Variants in PPP1R9A observed in about 807,000 individuals in gnomAD.
The protein encoded by PPP1R9A is neurabin-1.
Under a neutral mutation model 141.9 loss-of-function variants are expected in PPP1R9A, and 59 were observed. The ratio of observed to expected loss-of-function variants is 0.42; its 90% CI spans 0.34 to 0.52. The LOEUF (loss-of-function observed/expected upper bound fraction) is 0.52, where lower values mean the gene tolerates loss of function less well. Among genes scored for constraint, PPP1R9A ranks in the 20% least tolerant of loss-of-function variants. The pLI is 0.10. For synonymous variants in PPP1R9A, 500 were observed against 569.7 expected (o/e 0.88, Z 1.74); for missense variants, 1,444 against 1,611.9 (o/e 0.90, Z 1.78).
At chr7:95,178,585 A>G (rs1833239274) in intron 5 of PPP1R9A, among the ~76,000 whole-genome samples, 1 of 152,110 alleles carries the variant, frequency 6.6e-6, no homozygotes, top group Non-Finnish European at 1.5e-5. Context: ...AGATAAATGA[A>G]AAGTTGGTTT....
At position 95,042,381 on chromosome 7, in the gene PPP1R9A, G is replaced by T. The variant is rs74392933; in HGVS notation, c.1396-68878G>T. On this transcript the variant is annotated intron_variant, in intron 2 of 19. Transcript: ENST00000433360. ...CTGATATGTTTTATTAGAAGAGTCA[G>T]ATGACATGTCTGTTTAGAAGTAGAA... Among the ~76,000 whole-genome samples the T allele has an allele frequency of 2.2e-3, 340 of 152,282 alleles. 4 individuals carry two copies. The highest frequency in any genetic ancestry group is 7.6e-3 in the African/African-American group (315 of 41,558).
At chr7:95,234,223 G>A (rs768511682) in intron 8 of PPP1R9A, among the ~76,000 whole-genome samples, 1 of 152,148 alleles carries the variant, frequency 6.6e-6, no homozygotes, top group Non-Finnish European at 1.5e-5. Context: ...AATCAGTAAA[G>A]AGGAAGCCAA....
At chr7:94,939,737 G>T (rs1250618042) in intron 2 of PPP1R9A, among the ~76,000 whole-genome samples, 1 of 151,014 alleles carries the variant, frequency 6.6e-6, no homozygotes, top group African/African-American at 2.4e-5. Context: ...CATCCCAGAA[G>T]ATTGTATAAT....
At chr7:95,216,616 T>C (rs1293842159) in intron 7 of PPP1R9A, among the ~76,000 whole-genome samples, 2 of 152,180 alleles carry the variant, frequency 1.3e-5, no homozygotes, top group African/African-American at 2.4e-5. Flanking sequence ...TGTTCTTCCA[T>C]TTGTTTGTAT....
chr7:95,003,586 T>C (rs1584225001), intron 2 of PPP1R9A, among the ~76,000 whole-genome samples: 3 of 152,192 alleles, frequency 2.0e-5, no homozygotes, highest in East Asian at 3.9e-4. Context: ...TAATTTAAAA[T>C]AGGGAGAGGT....
chr7:95,054,948 T>C (rs1811316253), intron 2 of PPP1R9A, among the ~76,000 whole-genome samples: 3 of 152,220 alleles, frequency 2.0e-5, no homozygotes, highest in Non-Finnish European at 4.4e-5. Context: ...GCAAGTTAAC[T>C]ATTTTAACTT....
rs540854360 is a variant in PPP1R9A, at chr7:95,033,260, C to T, written c.1396-77999C>T. ...CGATCTCCTGACCTCGTGATCCGCCCGCCTTGGCCTCCCAAAGTGCTGGGA... is the reference window on the plus strand; with the variant it reads ...CGATCTCCTGACCTCGTGATCCGCCTGCCTTGGCCTCCCAAAGTGCTGGGA... On this transcript the variant is annotated intron_variant, in intron 2 of 19. Coordinates refer to ENST00000433360, the MANE Select transcript of PPP1R9A (RefSeq NM_001166160.2). 2.8e-4 allele frequency among the ~76,000 whole-genome samples: 42 copies of T among 151,278 alleles called. 1 individual carries two copies. Among genetic ancestry groups the T allele is most frequent in the Non-Finnish European group, 3.5e-4 (24 of 67,842 alleles).
At chr7:95,120,969 A>C in intron 4 of PPP1R9A, 137 bp downstream of exon 4, 1 of 1,146,286 alleles carries the variant, frequency 8.7e-7, no homozygotes, top group Non-Finnish European at 1.2e-6. Context: ...GAAAATCTTT[A>C]AACACTTGAA....
intron 2 of PPP1R9A, among the ~76,000 whole-genome samples, chr7:95,066,018 T>C (rs1812889612): frequency 1.3e-5 from 2 of 152,108 alleles, no homozygotes; most frequent in South Asian, 4.1e-4. Context: ...ATTGTTATGG[T>C]CCAAATTGTG....
intron 2 of PPP1R9A, among the ~76,000 whole-genome samples, chr7:94,961,875 T>C (rs1340367202): frequency 6.6e-6 from 1 of 151,914 alleles, no homozygotes; most frequent in African/African-American, 2.4e-5. Flanking sequence ...GGTGGTCATT[T>C]TGCCTTATTT....
In PPP1R9A at chr7:95,293,156, C is replaced by A. The variant is rs1267400787; in HGVS notation, c.*2853C>A. The A allele has an allele frequency of 6.6e-6, 1 of 152,142 alleles. No individual in the cohort carries two copies. The highest frequency in any genetic ancestry group is 2.1e-4 in the South Asian group (1 of 4,820). 9.4% of individuals were successfully genotyped at this position (152,142 alleles called of 1,614,324 possible). The stretch of plus-strand genomic sequence containing the variant: ...GGGAATGTGTGGTGAGGAGGCCAAG[C>A]TGCAGACAGAAAGCATTGTATGAGC... On this transcript the variant is annotated 3_prime_UTR_variant, in exon 20 of 20. Coordinates refer to ENST00000433360, the MANE Select transcript of PPP1R9A (RefSeq NM_001166160.2).
intron 4 of PPP1R9A, among the ~76,000 whole-genome samples, chr7:95,145,368 A>G (rs549820841): frequency 6.6e-6 from 1 of 152,340 alleles, no homozygotes; most frequent in South Asian, 2.1e-4. Flanking sequence ...AAGGGATGCA[A>G]ATAAGCATGA....
chr7:95,139,386 C>G (rs1443992851), intron 4 of PPP1R9A, among the ~76,000 whole-genome samples: 1 of 152,162 alleles, frequency 6.6e-6, no homozygotes, highest in African/African-American at 2.4e-5. Context: ...GGGTCCCTCC[C>G]ACAACATGTG....
chr7:95,233,062 A>G (rs570838259), intron 8 of PPP1R9A, among the ~76,000 whole-genome samples: 12 of 152,310 alleles, frequency 7.9e-5, no homozygotes, highest in African/African-American at 2.6e-4. Flanking sequence ...ATAAAGACAC[A>G]TGCACACCTA....
chr7:95,036,465 A>G (rs1160706377), intron 2 of PPP1R9A: 1 of 152,182 alleles, frequency 6.6e-6, no homozygotes, highest in South Asian at 2.1e-4. Context: ...GAGTACAGAA[A>G]TGATCCACCC....
intron 2 of PPP1R9A, among the ~76,000 whole-genome samples, chr7:95,031,459 G>C (rs1376179973): frequency 1.3e-5 from 2 of 152,128 alleles, no homozygotes; most frequent in African/African-American, 4.8e-5. Context: ...TGTAAAATCA[G>C]TATTATAGAA....
chr7:94,959,993 T>TGG (rs1563049555), intron 2 of PPP1R9A, among the ~76,000 whole-genome samples: 1 of 151,702 alleles, frequency 6.6e-6, no homozygotes, highest in Non-Finnish European at 1.5e-5. Context: ...ATAACAGGCA[T>TGG]GTAAAAATTA....
At position 95,251,863 on chromosome 7, in the gene PPP1R9A, G is replaced by GT; in HGVS notation, c.2493+7dup. On this transcript the variant is annotated splice_donor_region_variant and intron_variant, in intron 11 of 19. Coordinates refer to ENST00000433360, the MANE Select transcript of PPP1R9A (RefSeq NM_001166160.2). ...GTGCAAGGCCTCCAAGTGCGGGTAA[G>GT]TTGTGTTCCCTAAGACACTAAATAA... 1 of 1,613,794 alleles carries GT rather than the reference G, an allele frequency of 6.2e-7. No homozygotes were observed. Among genetic ancestry groups the GT allele is most frequent in the African/African-American group, 1.3e-5 (1 of 75,018 alleles).
rs748492740 is a variant in PPP1R9A, at chr7:95,250,211, G to T, written c.2352G>T (p.Lys784Asn). 6.2e-7 allele frequency: 1 copy of T among 1,612,966 alleles called. No homozygotes were observed. Among genetic ancestry groups the T allele is most frequent in the East Asian group, 2.2e-5 (1 of 44,812 alleles). Residue 784 changes from lysine (K) to asparagine (N), a missense_variant, in exon 10 of 20, where the codon AAG (lysine) becomes AAT (asparagine). Physicochemically the swap from Lys to Asn is moderately conservative, Grantham distance 94 (BLOSUM62 0). Transcript: ENST00000433360. Reference sequence around the variant, plus strand: ...AAAGCCAGTATCAGGCCTTGGAAAAGAAATACAACAAGGCAAAGAAGTTGA... The same window carrying T: ...AAAGCCAGTATCAGGCCTTGGAAAATAAATACAACAAGGCAAAGAAGTTGA... The part of the protein sequence containing the change: ...ETQSQYQALE[K>N]KYNKAKKLIK...
Sources: allele counts gnomAD v4.1 joint callset (sites outside exome capture counted in the v4.1 genomes callset), GRCh38; gene constraint gnomAD v4.1.1; transcripts MANE v1.5; gene names NCBI Gene and HGNC (gene_info 2026-07-23, HGNC 2026-07-21).